KSR2: variants seen among roughly 807,000 people sequenced by gnomAD.
KSR2 encodes kinase suppressor of ras 2.
In KSR2, 25 loss-of-function variants were observed where a neutral mutation model predicts 107.8. That is an observed-to-expected ratio of 0.23 (90% CI 0.17 to 0.32). The LOEUF is 0.32. Ranked by LOEUF, KSR2 falls within the 10% of genes least tolerant of loss-of-function variation. The probability of loss-of-function intolerance (pLI) is 1.00; values close to 1 mark genes in which losing one functional copy is unlikely to be tolerated. For synonymous variants in KSR2, 480 were observed against 507.0 expected (o/e 0.95, Z 0.71); for missense variants, 887 against 1,268.9 (o/e 0.70, Z 4.57).
chr12:117,543,022 A>G (rs950355205), intron 9 of KSR2, among the ~76,000 whole-genome samples: 1 of 152,158 alleles, frequency 6.6e-6, no homozygotes, highest in African/African-American at 2.4e-5. Flanking sequence ...TTAAACATTT[A>G]CCCACGGAAG....
At position 117,761,544 on chromosome 12, in the gene KSR2, C is replaced by T. The variant is rs1407227469; in HGVS notation, c.473-20G>A. On this transcript the variant is annotated intron_variant, in intron 3 of 19. Transcript: ENST00000339824. ...TGCCTCCTGAGTTGGAACAGAAGAG[C>T]AGAGACAATGGGTAAGCCATGAGAA... The T allele has an allele frequency of 1.9e-6, 3 of 1,612,534 alleles. No individual in the cohort carries two copies. The highest frequency in any genetic ancestry group is 2.2e-5 in the South Asian group (2 of 91,054).
rs374627999 is a variant in KSR2, at chr12:117,453,751, G to A, written c.*13448C>T. 7.9e-5 allele frequency: 12 copies of A among 152,312 alleles called. No homozygotes were observed. The East Asian group carries it at 1.7e-3, about 22-fold the overall frequency. The allele number at this position is 152,312 out of a possible 1,614,324, so 9.4% of individuals were successfully genotyped here. Reference sequence around the variant, plus strand: ...GAAATGAGAGGCTTGGGGTGGAAACGTTGACCACCTAAGTCTGGGATCTTC... The same window carrying A: ...GAAATGAGAGGCTTGGGGTGGAAACATTGACCACCTAAGTCTGGGATCTTC... On this transcript the variant is annotated 3_prime_UTR_variant, in exon 20 of 20. Coordinates refer to ENST00000339824, the MANE Select transcript of KSR2 (RefSeq NM_173598.6).
intron 3 of KSR2, among the ~76,000 whole-genome samples, chr12:117,791,640 A>G (rs187125802): frequency 1.2e-4 from 18 of 152,274 alleles, no homozygotes; most frequent in Admixed American, 7.8e-4. Flanking sequence ...GCTTTCTAGA[A>G]AGGTCACTCT....
At chr12:117,574,632 A>T (rs895164409) in intron 7 of KSR2, among the ~76,000 whole-genome samples, 1 of 152,186 alleles carries the variant, frequency 6.6e-6, no homozygotes, top group Non-Finnish European at 1.5e-5. Context: ...GGTCCCTCCC[A>T]CAACACGTGG....
At chr12:117,929,681 A>G (rs1895643053) in intron 1 of KSR2, among the ~76,000 whole-genome samples, 1 of 152,264 alleles carries the variant, frequency 6.6e-6, no homozygotes, top group Admixed American at 6.5e-5. Context: ...CAGCCATAAA[A>G]AGGAATGAAG....
chr12:117,719,769 C>T (rs991968093), intron 4 of KSR2, among the ~76,000 whole-genome samples: 1 of 152,330 alleles, frequency 6.6e-6, no homozygotes, highest in African/African-American at 2.4e-5. Context: ...AATTGTTTAG[C>T]CAAATTCCAA....
intron 3 of KSR2, among the ~76,000 whole-genome samples, chr12:117,807,789 T>C (rs1247024088): frequency 6.6e-6 from 1 of 152,202 alleles, no homozygotes; most frequent in African/African-American, 2.4e-5. Context: ...AAAGTCTACA[T>C]TTGAGTAAGT....
intron 5 of KSR2, among the ~76,000 whole-genome samples, chr12:117,595,345 C>G (rs1880567911): frequency 7.2e-6 from 1 of 137,952 alleles, no homozygotes; most frequent in Non-Finnish European, 1.5e-5. Flanking sequence ...ATTGCTAGAT[C>G]AAATTCTTTT....
chr12:117,819,190 T>G lies in KSR2; in HGVS notation c.472+36238A>C, dbSNP rs472758. ...GGGGAATAAGGCCAGTTTGAGCTCA[T>G]TCAAGGATTGACCACCCAGAACAAG... On this transcript the variant is annotated intron_variant, in intron 3 of 19. Coordinates refer to ENST00000339824, the MANE Select transcript of KSR2 (RefSeq NM_173598.6). Among the ~76,000 whole-genome samples, 467 of 152,122 alleles carry G rather than the reference T, an allele frequency of 3.1e-3. 5 individuals carry two copies. Among genetic ancestry groups the G allele is most frequent in the African/African-American group, 0.011 (442 of 41,526 alleles).
intron 5 of KSR2, among the ~76,000 whole-genome samples, chr12:117,649,148 A>G (rs1394202781): frequency 6.6e-6 from 1 of 152,158 alleles, no homozygotes; most frequent in Admixed American, 6.5e-5. Context: ...ATGTTGAGTG[A>G]TCTAACAAGA....
intron 4 of KSR2, among the ~76,000 whole-genome samples, chr12:117,707,979 T>A (rs1479621413): frequency 6.6e-6 from 1 of 152,228 alleles, no homozygotes; most frequent in Admixed American, 6.5e-5. Flanking sequence ...GCAAATTATC[T>A]TGGGAAATTC....
chr12:117,797,759 C>T (rs1012428463), intron 3 of KSR2, among the ~76,000 whole-genome samples: 1 of 119,816 alleles, frequency 8.3e-6, no homozygotes, highest in African/African-American at 2.7e-5. Flanking sequence ...GGGCTCAAAC[C>T]ATCCTTCCAC....
chr12:117,589,061 T>C (rs1358505941), intron 5 of KSR2, among the ~76,000 whole-genome samples: 1 of 152,176 alleles, frequency 6.6e-6, no homozygotes, highest in Non-Finnish European at 1.5e-5. Flanking sequence ...TCACCAAATA[T>C]CATGAACTCT....
intron 4 of KSR2, among the ~76,000 whole-genome samples, chr12:117,749,638 CT>C (rs1888542551): frequency 1.3e-5 from 2 of 152,144 alleles, no homozygotes; most frequent in Non-Finnish European, 2.9e-5. Flanking sequence ...AACTTCAAAG[CT>C]GCTGTTTCAA....
At chr12:117,785,864 T>C (rs1261637468) in intron 3 of KSR2, among the ~76,000 whole-genome samples, 2 of 152,198 alleles carry the variant, frequency 1.3e-5, no homozygotes, top group East Asian at 1.9e-4. Flanking sequence ...TTAAGAAGGA[T>C]TGGTGCAGAA....
chr12:117,638,697 A>G (rs1479817091), intron 5 of KSR2, among the ~76,000 whole-genome samples: 2 of 152,136 alleles, frequency 1.3e-5, no homozygotes, highest in Non-Finnish European at 2.9e-5. Context: ...AGGAAGGGGA[A>G]GGTAATCAGG....
At chr12:117,524,742 C>A (rs1000587037) in intron 14 of KSR2, 110 bp downstream of exon 14, 1 of 1,277,188 alleles carries the variant, frequency 7.8e-7, no homozygotes, top group Non-Finnish European at 1.1e-6. Context: ...CATGGTAGAA[C>A]TAGAGATGGT....
chr12:117,776,375 A>G (rs955121942), intron 3 of KSR2, among the ~76,000 whole-genome samples: 1 of 152,168 alleles, frequency 6.6e-6, no homozygotes, highest in Non-Finnish European at 1.5e-5. Flanking sequence ...ATACAGCAAT[A>G]AAACATTGCC....
At chr12:117,629,122 T>C (rs1392854110) in intron 5 of KSR2, among the ~76,000 whole-genome samples, 1 of 152,196 alleles carries the variant, frequency 6.6e-6, no homozygotes, top group Non-Finnish European at 1.5e-5. Context: ...TTCCCTTGGC[T>C]AGGAAAGGGA....
Sources: gnomAD v4.1 joint callset for allele counts (sites outside exome capture counted in the v4.1 genomes callset) on GRCh38, gnomAD v4.1.1 for gene constraint, MANE v1.5 for transcripts, NCBI Gene and HGNC (gene_info 2026-07-23, HGNC 2026-07-21) for gene names.